Variants in MMP7 observed in about 807,000 individuals in gnomAD.
MMP7 encodes matrilysin.
MMP7 carries 26 observed loss-of-function variants against 31.5 expected under a neutral mutation model. The observed-to-expected ratio is 0.83, with a 90% CI of 0.61 to 1.15. The LOEUF (loss-of-function observed/expected upper bound fraction) is 1.15. Among genes scored for constraint, MMP7 ranks in the 50% most tolerant of loss-of-function variants. The pLI is 0.00. For synonymous variants in MMP7, 142 were observed against 124.2 expected, an observed-to-expected ratio of 1.14 and a Z score of -0.95; for missense variants, 367 against 326.5, an observed-to-expected ratio of 1.12 and a Z score of -0.96.
chr11:102,525,454 T>TAA lies in MMP7; in HGVS notation c.485-392_485-391dup, dbSNP rs370239404. ...TGAAACTCCATCTCAAAAAATAAATTAAAAAAAAAAAAAAGGCAGCCCAGT... is the reference window on the plus strand; with the variant it reads ...TGAAACTCCATCTCAAAAAATAAATTAAAAAAAAAAAAAAAAGGCAGCCCAGT... On this transcript the variant is annotated intron_variant, in intron 3 of 5. Transcript: ENST00000260227. 1.0e-3 allele frequency among the ~76,000 whole-genome samples: 138 copies of TAA among 138,060 alleles called. 1 individual carries two copies. The highest frequency in any genetic ancestry group is 1.0e-3 in the African/African-American group (39 of 37,820). 90.6% of individuals were successfully genotyped at this position (138,060 alleles called of 152,430 possible). A position where few individuals can be genotyped will look rare whatever the true frequency, so the allele number is the denominator to read the frequency against.
Position 102,523,354 on chromosome 11 carries a change from C to G in MMP7, c.661G>C (p.Gly221Arg). Residue 221 changes from glycine to arginine, a missense_variant, in exon 5 of 6, where the codon GGT becomes CGT. Transcript: ENST00000260227. ...TTAGGATCAGAGGAATGTCCCATAC[C>G]CAAAGAATGGCCAAGTTCATGAGTT... Reference protein sequence around the residue: ...AATHELGHSLGMGHSSDPNAV... With the variant: ...AATHELGHSLRMGHSSDPNAV... 3.1e-6 allele frequency: 5 copies of G among 1,611,230 alleles called. No individual in the cohort carries two copies. The highest frequency in any genetic ancestry group is 4.2e-6 in the Non-Finnish European group (5 of 1,178,564).
intron 5 of MMP7, among the ~76,000 whole-genome samples, chr11:102,521,997 A>C (rs1858618712): frequency 6.6e-6 from 1 of 152,236 alleles, no homozygotes; most frequent in Non-Finnish European, 1.5e-5. Flanking sequence ...GTGCTAGTTT[A>C]TGGGACTCAT....
intron 3 of MMP7, among the ~76,000 whole-genome samples, chr11:102,526,711 A>G (rs1591593106): frequency 1.3e-5 from 2 of 152,228 alleles, no homozygotes; most frequent in Non-Finnish European, 2.9e-5. Flanking sequence ...TATTGTAAAC[A>G]TATAGTCATG....
At chr11:102,526,738 T>C (rs898842407) in intron 3 of MMP7, among the ~76,000 whole-genome samples, 1 of 152,196 alleles carries the variant, frequency 6.6e-6, no homozygotes, top group Admixed American at 6.5e-5. Flanking sequence ...ATAATGATCT[T>C]TCAGTAAACA....
At chr11:102,521,705 T>A (rs1266643249) in intron 5 of MMP7, among the ~76,000 whole-genome samples, 1 of 152,236 alleles carries the variant, frequency 6.6e-6, no homozygotes, top group Non-Finnish European at 1.5e-5. Context: ...AAGGTTTTAA[T>A]GCACTAGTCT....
At position 102,520,820 on chromosome 11, in the gene MMP7, A is replaced by G. The variant is rs752044995; in HGVS notation, c.776-16T>C. Reference sequence around the variant, plus strand: ...CTTCTCTTTCCTATTGAGAGAAAAAAAAAGAACATTCTGATATGTAGAAAA... The same window carrying G: ...CTTCTCTTTCCTATTGAGAGAAAAAGAAAGAACATTCTGATATGTAGAAAA... On this transcript the variant is annotated splice_polypyrimidine_tract_variant and intron_variant, in intron 5 of 5. Coordinates refer to ENST00000260227, the MANE Select transcript of MMP7 (RefSeq NM_002423.5). 1 of 1,526,446 alleles carries G rather than the reference A, an allele frequency of 6.6e-7. No homozygotes were observed. 94.6% of individuals were successfully genotyped at this position (1,526,446 alleles called of 1,614,324 possible).
At chr11:102,523,163 A>G (rs952441563) in intron 5 of MMP7, 77 bp downstream of exon 5, 1 of 1,220,754 alleles carries the variant, frequency 8.2e-7, no homozygotes. Flanking sequence ...GTAAATACCC[A>G]TTTCCCAGCC....
chr11:102,521,407 A>T (rs1442192676), intron 5 of MMP7, among the ~76,000 whole-genome samples: 1 of 152,126 alleles, frequency 6.6e-6, no homozygotes, highest in Non-Finnish European at 1.5e-5. Context: ...CATGTTGTCC[A>T]GGTCTCGAGC....
At chr11:102,525,635 T>A (rs1237701147) in intron 3 of MMP7, among the ~76,000 whole-genome samples, 1 of 152,066 alleles carries the variant, frequency 6.6e-6, no homozygotes, top group African/African-American at 2.4e-5. Flanking sequence ...TAAAATGCAG[T>A]TATATCTAAC....
At chr11:102,523,673 G>A (rs759341978) in intron 4 of MMP7, among the ~76,000 whole-genome samples, 4 of 152,070 alleles carry the variant, frequency 2.6e-5, no homozygotes, top group Non-Finnish European at 5.9e-5. Context: ...GCAATACTCT[G>A]CAGTGGAAAG....
Position 102,527,616 on chromosome 11 carries a change from T to G in MMP7, c.392A>C (p.Lys131Thr). The stretch of plus-strand genomic sequence containing the variant: ...CTCTTTGCCCCACATGTTTAAAGCC[T>G]TTGACACTAATCGATCCACTGTAAT... ...PHITVDRLVS[K>T]ALNMWGKEIP... Residue 131 changes from lysine (K) to threonine (T), a missense_variant, in exon 3 of 6, where the codon AAG becomes ACG. Coordinates refer to ENST00000260227, the MANE Select transcript of MMP7 (RefSeq NM_002423.5). 1 of 1,614,160 alleles carries G rather than the reference T, an allele frequency of 6.2e-7. No homozygotes were observed. Among genetic ancestry groups the G allele is most frequent in the Non-Finnish European group, 8.5e-7 (1 of 1,180,018 alleles).
At position 102,527,614 on chromosome 11, in the gene MMP7, C is replaced by A. The variant is rs1439043976; in HGVS notation, c.394G>T (p.Ala132Ser). ...HITVDRLVSK[A>S]LNMWGKEIPL... is the part of the protein sequence containing the mutation. ...ATCTCTTTGCCCCACATGTTTAAAG[C>A]CTTTGACACTAATCGATCCACTGTA... is the stretch of plus-strand genomic sequence containing the variant. The change falls in exon 3 of 6, where the codon GCT becomes TCT. Residue 132 changes from alanine to serine, a missense_variant. Physicochemically the swap from Ala to Ser is moderately conservative, Grantham distance 99. Transcript: ENST00000260227. 1 of 1,614,106 alleles carries A rather than the reference C, an allele frequency of 6.2e-7. No homozygotes were observed. Among genetic ancestry groups the A allele is most frequent in the Non-Finnish European group, 8.5e-7 (1 of 1,180,010 alleles).
chr11:102,526,149 TAC>T (rs1358430725), intron 3 of MMP7, among the ~76,000 whole-genome samples: 3 of 149,972 alleles, frequency 2.0e-5, no homozygotes, highest in East Asian at 3.9e-4. Flanking sequence ...TATACATATA[TAC>T]ACACACACAC....
At chr11:102,527,108 T>C (rs1858680477) in intron 3 of MMP7, 1 of 242,962 alleles carries the variant, frequency 4.1e-6, no homozygotes, top group African/African-American at 2.3e-5. Context: ...TGACTGTATA[T>C]ATAAATAATA....
In MMP7 at chr11:102,527,656, G is replaced by C. The variant is rs749022134; in HGVS notation, c.352C>G (p.Arg118Gly). The stretch of plus-strand genomic sequence containing the variant: ...TCCACTGTAATATGCGGTAAGTCTC[G>C]AGTATATGATACGATCCTAGTAGCA... Reference protein sequence around the residue: ...VVTYRIVSYTRDLPHITVDRL... With the variant: ...VVTYRIVSYTGDLPHITVDRL... The change falls in exon 3 of 6, where the codon CGA becomes GGA. Residue 118 changes from arginine (R) to glycine (G), a missense_variant. By Grantham distance (125) the Arg-to-Gly change is moderately radical (BLOSUM62 -2). Transcript: ENST00000260227. The C allele has an allele frequency of 1.2e-6, 2 of 1,613,926 alleles. No individual in the cohort carries two copies. The highest frequency in any genetic ancestry group is 1.7e-6 in the Non-Finnish European group (2 of 1,179,976).
chr11:102,525,770 T>G (rs1315226486), intron 3 of MMP7, among the ~76,000 whole-genome samples: 1 of 151,724 alleles, frequency 6.6e-6, no homozygotes, highest in Non-Finnish European at 1.5e-5. Context: ...TAGGTTTTTT[T>G]TTTTTTTTTT....
chr11:102,522,831 A>G (rs1471488702), intron 5 of MMP7, among the ~76,000 whole-genome samples: 3 of 152,228 alleles, frequency 2.0e-5, no homozygotes, highest in Non-Finnish European at 4.4e-5. Context: ...AAACAGGAAG[A>G]GCAGGGTCAC....
intron 3 of MMP7, among the ~76,000 whole-genome samples, chr11:102,526,517 G>A (rs1325275487): frequency 2.0e-5 from 3 of 152,064 alleles, no homozygotes; most frequent in East Asian, 1.9e-4. Flanking sequence ...GATTACAGGC[G>A]TGAGCCACCA....
At chr11:102,529,248 T>C (rs561620784) in intron 1 of MMP7, among the ~76,000 whole-genome samples, 158 of 152,222 alleles carry the variant, frequency 1.0e-3, no homozygotes, top group Non-Finnish European at 1.0e-3. Context: ...ATTGTCTCAT[T>C]AAATACAACA....
Sources: allele counts gnomAD v4.1 joint callset (sites outside exome capture counted in the v4.1 genomes callset), GRCh38; gene constraint gnomAD v4.1.1; transcripts MANE v1.5; gene names NCBI Gene and HGNC (gene_info 2026-07-23, HGNC 2026-07-21).